The following MMP24 variants were observed in gnomAD, a reference collection of about 807,000 sequenced individuals.
MMP24 encodes the protein matrix metalloproteinase-24.
In MMP24, 25 loss-of-function variants were observed where a neutral mutation model predicts 62.8. The ratio of observed to expected loss-of-function variants is 0.40; its 90% CI spans 0.29 to 0.56. The LOEUF is 0.56. Ranked by LOEUF, MMP24 falls within the 20% of genes least tolerant of loss-of-function variation. MMP24 has a pLI of 0.50. For synonymous variants in MMP24, 319 were observed against 350.5 expected (o/e 0.91, Z 1.00); for missense variants, 634 against 853.6 (o/e 0.74, Z 3.21).
chr20:35,251,211 C>T (rs1017248317), intron 2 of MMP24, among the ~76,000 whole-genome samples: 2 of 151,590 alleles, frequency 1.3e-5, no homozygotes, highest in African/African-American at 2.4e-5. Flanking sequence ...CTCCGCCTCA[C>T]GGGTTCAAGC....
At chr20:35,227,405 A>G (rs1319226535) in intron 1 of MMP24, among the ~76,000 whole-genome samples, 1 of 151,870 alleles carries the variant, frequency 6.6e-6, no homozygotes. Flanking sequence ...GGGCGGAGGA[A>G]GGACTCGATC....
rs377395014 is a variant in MMP24, at chr20:35,254,514, G to A, written c.577G>A (p.Asp193Asn). The A allele has an allele frequency of 1.1e-4, 170 of 1,613,886 alleles. No individual in the cohort carries two copies. The highest frequency in any genetic ancestry group is 3.0e-4 in the Admixed American group (18 of 59,996). The change falls in exon 4 of 9, where the codon GAT (aspartate) becomes AAT (asparagine). Residue 193 changes from aspartate (D) to asparagine (N), a missense_variant. Physicochemically the swap from Asp to Asn is conservative, Grantham distance 23. This residue lies in a region of MMP24 where 212 missense variants were observed against 259.6 expected (regional missense o/e 0.82). Coordinates refer to ENST00000246186, the MANE Select transcript of MMP24 (RefSeq NM_006690.4). ...DTRKAIRQAFDVWQKVTPLTF... is the reference protein window; with the variant it reads ...DTRKAIRQAFNVWQKVTPLTF... Reference sequence around the variant, plus strand: ...GCGGAAAGCTATTCGCCAGGCTTTCGATGTGTGGCAGAAGGTGACCCCACT... The same window carrying A: ...GCGGAAAGCTATTCGCCAGGCTTTCAATGTGTGGCAGAAGGTGACCCCACT...
At chr20:35,267,574 T>TG in intron 6 of MMP24, among the ~76,000 whole-genome samples, 155 bp downstream of exon 6, 1 of 152,316 alleles carries the variant, frequency 6.6e-6, no homozygotes, top group Admixed American at 6.5e-5. Flanking sequence ...GGTCTCTTCC[T>TG]AGTGCTGCTG....
At chr20:35,239,778 G>A (rs1360877015) in intron 1 of MMP24, among the ~76,000 whole-genome samples, 2 of 152,176 alleles carry the variant, frequency 1.3e-5, no homozygotes, top group East Asian at 1.9e-4. Flanking sequence ...AGTGAGCCAT[G>A]GCTGAGAGCG....
chr20:35,237,797 C>T (rs2060470780), intron 1 of MMP24, among the ~76,000 whole-genome samples: 1 of 152,146 alleles, frequency 6.6e-6, no homozygotes, highest in African/African-American at 2.4e-5. Context: ...AGATAGGACC[C>T]CATTCAGCTC....
At position 35,276,424 on chromosome 20, in the gene MMP24, G is replaced by C. The variant is rs537012121; in HGVS notation, c.*1815G>C. 2.5e-6 allele frequency: 1 copy of C among 397,898 alleles called. No homozygotes were observed. Among genetic ancestry groups the C allele is most frequent in the African/African-American group, 2.1e-5 (1 of 48,632 alleles). The allele number at this position is 397,898 out of a possible 1,614,324, so 24.6% of individuals were successfully genotyped here. ...ATGAAACTCGTGTTAGGCCCTGGGAGGCCGACGGTAACTCTCACCGTGCCC... is the reference window on the plus strand; with the variant it reads ...ATGAAACTCGTGTTAGGCCCTGGGACGCCGACGGTAACTCTCACCGTGCCC... On this transcript the variant is annotated 3_prime_UTR_variant, in exon 9 of 9. Coordinates refer to ENST00000246186, the MANE Select transcript of MMP24 (RefSeq NM_006690.4).
Position 35,262,250 on chromosome 20 carries a change from C to T in MMP24, c.818-1541C>T, listed in dbSNP as rs7345751. Among the ~76,000 whole-genome samples, 1,247 of 152,236 alleles carry T rather than the reference C, an allele frequency of 8.2e-3. 14 individuals are homozygous for T. Among genetic ancestry groups the T allele is most frequent in the African/African-American group, 0.028 (1,156 of 41,502 alleles). On this transcript the variant is annotated intron_variant, in intron 4 of 8. Coordinates refer to ENST00000246186, the MANE Select transcript of MMP24 (RefSeq NM_006690.4). ...AATAAGGGGACCCAGGGAACCAGCG[C>T]TCACCATATGGAGGATCCCGCCAGC...
intron 1 of MMP24, among the ~76,000 whole-genome samples, chr20:35,246,612 G>A (rs190264153): frequency 6.6e-6 from 1 of 152,322 alleles, no homozygotes; most frequent in East Asian, 1.9e-4. Context: ...TCTGTGGCCA[G>A]TAGAAATCCA....
At chr20:35,257,279 T>C (rs2060579630) in intron 4 of MMP24, among the ~76,000 whole-genome samples, 1 of 152,238 alleles carries the variant, frequency 6.6e-6, no homozygotes, top group Non-Finnish European at 1.5e-5. Context: ...CAGATTTTTG[T>C]CCTCTTTCCT....
chr20:35,227,751 G>A (rs1376151015), intron 1 of MMP24, among the ~76,000 whole-genome samples: 3 of 152,074 alleles, frequency 2.0e-5, no homozygotes, highest in Non-Finnish European at 4.4e-5. Context: ...TGTTTTATAC[G>A]AATTATCCAA....
intron 2 of MMP24, among the ~76,000 whole-genome samples, chr20:35,249,133 T>C (rs2060531508): frequency 6.6e-6 from 1 of 152,140 alleles, no homozygotes; most frequent in African/African-American, 2.4e-5. Context: ...AGACCTGAGA[T>C]GGGGAGTGTT....
intron 1 of MMP24, among the ~76,000 whole-genome samples, chr20:35,245,691 C>T (rs1021579695): frequency 6.6e-6 from 1 of 151,984 alleles, no homozygotes; most frequent in Non-Finnish European, 1.5e-5. Flanking sequence ...TCAAGTGATC[C>T]TCCCGCCTAG....
chr20:35,248,489 G>A (rs966879553), intron 2 of MMP24, among the ~76,000 whole-genome samples: 4 of 151,926 alleles, frequency 2.6e-5, no homozygotes, highest in African/African-American at 9.7e-5. Flanking sequence ...TGTATTTTTA[G>A]TAGAGATGGG....
At chr20:35,238,283 T>C (rs1212005189) in intron 1 of MMP24, among the ~76,000 whole-genome samples, 1 of 152,154 alleles carries the variant, frequency 6.6e-6, no homozygotes, top group African/African-American at 2.4e-5. Flanking sequence ...GTGCTAGCTG[T>C]TGGGGTGACA....
Position 35,251,351 on chromosome 20 carries a change from C to T in MMP24, c.396-554C>T, listed in dbSNP as rs189442766. ...TGTTGGCCAGGCTGGTCTCGAACTCCTGACCTCAGATAATCCACCCGCCTC... is the reference window on the plus strand; with the variant it reads ...TGTTGGCCAGGCTGGTCTCGAACTCTTGACCTCAGATAATCCACCCGCCTC... On this transcript the variant is annotated intron_variant, in intron 2 of 8. Transcript: ENST00000246186. Among the ~76,000 whole-genome samples the T allele has an allele frequency of 4.2e-3, 644 of 152,196 alleles. 1 individual carries two copies. The highest frequency in any genetic ancestry group is 7.5e-3 in the Non-Finnish European group (507 of 68,016).
In MMP24 at chr20:35,253,368, G is replaced by A. The variant is rs932016947; in HGVS notation, c.513-1082G>A. On this transcript the variant is annotated intron_variant, in intron 3 of 8. Coordinates refer to ENST00000246186, the MANE Select transcript of MMP24 (RefSeq NM_006690.4). ...TGCTGATAAGCTGTCCCTTCAGAAC[G>A]GGATTTTTTTTTTCCAGAAATCTGA... Among the ~76,000 whole-genome samples, 11 of 148,756 alleles carry A rather than the reference G, an allele frequency of 7.4e-5. No homozygotes were observed. In the East Asian group the frequency reaches 7.9e-4, roughly 11 times the overall value.
At chr20:35,268,070 G>A (rs897932324) in intron 6 of MMP24, 1 of 152,686 alleles carries the variant, frequency 6.5e-6, no homozygotes, top group Non-Finnish European at 1.5e-5. Context: ...AGGGAAGAGG[G>A]AGAGGTTAAG....
intron 4 of MMP24, among the ~76,000 whole-genome samples, chr20:35,261,033 G>A (rs554216032): frequency 1.3e-5 from 2 of 152,312 alleles, no homozygotes; most frequent in South Asian, 4.1e-4. Context: ...GAAGATAAGA[G>A]GCAGGGCTCA....
At chr20:35,250,329 G>T (rs976367126) in intron 2 of MMP24, among the ~76,000 whole-genome samples, 4 of 152,170 alleles carry the variant, frequency 2.6e-5, no homozygotes, top group African/African-American at 9.7e-5. Flanking sequence ...GGAGGCCAAG[G>T]TGGGCAGATC....
Sources: allele counts gnomAD v4.1 joint callset (sites outside exome capture counted in the v4.1 genomes callset), GRCh38; gene constraint gnomAD v4.1.1; regional missense constraint gnomAD v4.1.1; transcripts MANE v1.5; gene names NCBI Gene and HGNC (gene_info 2026-07-23, HGNC 2026-07-21).